LSM14A: variants seen among roughly 807,000 people sequenced by gnomAD.
LSM14A encodes the protein LSM14A mRNA processing body assembly factor, also known as protein LSM14 homolog A.
LSM14A carries 14 observed loss-of-function variants against 52.4 expected under a neutral mutation model. That is an observed-to-expected ratio of 0.27 (90% CI 0.18 to 0.42). The LOEUF (loss-of-function observed/expected upper bound fraction) is 0.42, where lower values mean the gene tolerates loss of function less well. LSM14A is among the 10% of genes least tolerant of loss of function. The pLI is 1.00. For missense variants in LSM14A, 417 were observed against 581.8 expected (o/e 0.72, Z 2.91); for synonymous variants, 185 against 200.3 (o/e 0.92, Z 0.64).
chr19:34,207,170 G>T (rs2071761709), intron 3 of LSM14A, among the ~76,000 whole-genome samples: 1 of 152,156 alleles, frequency 6.6e-6, no homozygotes, highest in African/African-American at 2.4e-5. Flanking sequence ...GTAGAGCGAG[G>T]GGGGTGTGGC....
intron 9 of LSM14A, among the ~76,000 whole-genome samples, chr19:34,223,142 A>G (rs779212990): frequency 2.0e-5 from 3 of 151,934 alleles, no homozygotes; most frequent in Non-Finnish European, 2.9e-5. Context: ...GTGCAATGGC[A>G]TGATCATAAG....
intron 4 of LSM14A, 133 bp from the exon 5 acceptor site, chr19:34,214,991 A>G (rs555399131): frequency 2.6e-5 from 15 of 574,442 alleles, no homozygotes; most frequent in Admixed American, 1.1e-4. Flanking sequence ...ATCTGGTCTG[A>G]TAAGTGGATT....
chr19:34,223,719 A>G (rs1212381466), intron 9 of LSM14A, among the ~76,000 whole-genome samples: 1 of 152,068 alleles, frequency 6.6e-6, no homozygotes, highest in African/African-American at 2.4e-5. Context: ...ACCTGTGACA[A>G]CTCCTTGTTG....
At chr19:34,173,002 G>C (rs1344307344) in intron 1 of LSM14A, among the ~76,000 whole-genome samples, 1 of 152,232 alleles carries the variant, frequency 6.6e-6, no homozygotes, top group African/African-American at 2.4e-5. Flanking sequence ...GACTGAGTGC[G>C]CGGCGGGCGG....
In LSM14A at chr19:34,194,529, G is replaced by A. The variant is rs772728624; in HGVS notation, c.173G>A (p.Arg58Gln). The A allele has an allele frequency of 1.9e-6, 3 of 1,614,096 alleles. No individual in the cohort carries two copies. The highest frequency in any genetic ancestry group is 2.5e-6 in the Non-Finnish European group (3 of 1,179,976). Reference sequence around the variant, plus strand: ...CCGACAGATCGTCCAATACCACCTCGAGATGAAGTCTTTGAATACATTATA... The same window carrying A: ...CCGACAGATCGTCCAATACCACCTCAAGATGAAGTCTTTGAATACATTATA... ...DRPTDRPIPP[R>Q]DEVFEYIIFR... is the part of the protein sequence containing the mutation. Residue 58 changes from arginine to glutamine, a missense_variant, in exon 2 of 10, where the codon CGA becomes CAA. Around this residue, in one of 2 missense-constraint regions of LSM14A, gnomAD observed 60 missense variants for 124.8 expected, o/e 0.48. Coordinates refer to ENST00000544216, the MANE Select transcript of LSM14A (RefSeq NM_015578.4).
At chr19:34,208,720 A>G in intron 3 of LSM14A, 1 of 464,174 alleles carries the variant, frequency 2.2e-6, no homozygotes, top group South Asian at 3.4e-5. Flanking sequence ...AGTGGACAGT[A>G]TATTGGCTCC....
rs370562803 is a variant in LSM14A at position 34,221,638 on chromosome 19, G to T, written c.1268G>T (p.Arg423Leu). 8 of 1,614,138 alleles carry T rather than the reference G, an allele frequency of 5.0e-6. No individual in the cohort carries two copies. The highest frequency in any genetic ancestry group is 4.5e-5 in the East Asian group (2 of 44,882). ...CTTGGTTTCCGTGGTGGCAGAGGGCGTGGTGGTGGCAGAGGTGGTACCTTC... is the reference window on the plus strand; with the variant it reads ...CTTGGTTTCCGTGGTGGCAGAGGGCTTGGTGGTGGCAGAGGTGGTACCTTC... ...GGLGFRGGRG[R>L]GGGRGGTFTA... The change falls in exon 9 of 10, where the codon CGT (arginine) becomes CTT (leucine). Residue 423 changes from arginine (R) to leucine (L), a missense_variant. Physicochemically the swap from Arg to Leu is moderately radical, Grantham distance 102. This residue lies in a region of LSM14A where 357 missense variants were observed against 457.0 expected (regional missense o/e 0.78). Coordinates refer to ENST00000544216, the MANE Select transcript of LSM14A (RefSeq NM_015578.4).
chr19:34,214,333 A>G (rs1355697146), intron 4 of LSM14A, among the ~76,000 whole-genome samples: 1 of 146,900 alleles, frequency 6.8e-6, no homozygotes, highest in Non-Finnish European at 1.5e-5. Context: ...TATTTATGAG[A>G]CAGGGCCTTG....
rs200812154 is a variant in LSM14A at position 34,209,000 on chromosome 19, G to T, written c.487G>T (p.Gly163Cys). The T allele has an allele frequency of 3.9e-5, 63 of 1,611,642 alleles. No individual in the cohort carries two copies. The Admixed American group carries it at 5.5e-4, about 14-fold the overall frequency. ...SGTLPQSSAVGSAFTQDTRSL... is the reference protein window; with the variant it reads ...SGTLPQSSAVCSAFTQDTRSL... ...TACCTTACCCCAAAGTAGTGCGGTT[G>T]GTTCTGCCTTTACACAGGATACAAG... is the stretch of plus-strand genomic sequence containing the variant. The change falls in exon 4 of 10, where the codon GGT (glycine) becomes TGT (cysteine). Residue 163 changes from glycine (G) to cysteine (C), a missense_variant. By Grantham distance (159) the Gly-to-Cys change is radical. This residue lies in a region of LSM14A where 357 missense variants were observed against 457.0 expected (regional missense o/e 0.78). Transcript: ENST00000544216.
rs148141984 is a variant in LSM14A at position 34,186,904 on chromosome 19, A to T, written c.122-7574A>T. On this transcript the variant is annotated intron_variant, in intron 1 of 9. Transcript: ENST00000544216. ...AACAGACTCGTTTCTTTTTCTTTTC[A>T]GTTAACATTAGAGTCTAATTTACAA... Among the ~76,000 whole-genome samples the T allele has an allele frequency of 1.4e-4, 22 of 152,028 alleles. No individual in the cohort carries two copies. In the East Asian group the frequency reaches 4.3e-3, roughly 29 times the overall value.
intron 1 of LSM14A, among the ~76,000 whole-genome samples, chr19:34,180,953 C>A (rs1008785520): frequency 1.6e-4 from 24 of 152,192 alleles, no homozygotes; most frequent in Non-Finnish European, 2.8e-4. Context: ...ACACCTCCCC[C>A]ATATTCACTT....
chr19:34,220,326 A>G (rs2072966470), intron 8 of LSM14A, among the ~76,000 whole-genome samples: 1 of 152,226 alleles, frequency 6.6e-6, no homozygotes, highest in Non-Finnish European at 1.5e-5. Flanking sequence ...TATTCATTCA[A>G]AAGAAGAAAT....
intron 7 of LSM14A, 44 bp downstream of exon 7, chr19:34,219,617 T>C (rs756320607): frequency 6.3e-7 from 1 of 1,579,900 alleles, no homozygotes; most frequent in Admixed American, 1.8e-5. Flanking sequence ...TTATTTGATC[T>C]GTGAATTACA....
At chr19:34,215,568 T>G in intron 5 of LSM14A, 28 bp from the exon 6 acceptor site, 2 of 1,575,094 alleles carry the variant, frequency 1.3e-6, no homozygotes, top group Non-Finnish European at 1.7e-6. Context: ...CTGAGTTGAT[T>G]TGGCACTTTG....
chr19:34,197,613 G>A (rs916515784), intron 3 of LSM14A, among the ~76,000 whole-genome samples: 2 of 150,406 alleles, frequency 1.3e-5, no homozygotes, highest in Non-Finnish European at 3.0e-5. Flanking sequence ...CAATTTTTTT[G>A]TATTTTTAGT....
Position 34,196,622 on chromosome 19 carries a change from A to T in LSM14A, c.286-12A>T. 1 of 1,578,924 alleles carries T rather than the reference A, an allele frequency of 6.3e-7. No individual in the cohort carries two copies. Among genetic ancestry groups the T allele is most frequent in the Non-Finnish European group, 8.6e-7 (1 of 1,168,654 alleles). On this transcript the variant is annotated splice_polypyrimidine_tract_variant and intron_variant, in intron 2 of 9. Transcript: ENST00000544216. Reference sequence around the variant, plus strand: ...TTAGAGCTTGGAAACATAACTCATGATTTTCCTTCAGTCCTCACTAGGCTC... The same window carrying T: ...TTAGAGCTTGGAAACATAACTCATGTTTTTCCTTCAGTCCTCACTAGGCTC...
Position 34,221,549 on chromosome 19 carries a change from T to G in LSM14A, c.1179T>G (p.Ala393=), listed in dbSNP as rs773971232. The part of the protein sequence containing the change: ...PTWAEERRLN[A]ETFGIPLRPN... ...GGGCTGAAGAAAGAAGATTAAATGC[T>G]GAAACATTTGGAATCCCACTTCGTC... The change falls in exon 9 of 10, where the codon GCT becomes GCG. Residue 393 remains alanine (A), a synonymous_variant. Coordinates refer to ENST00000544216, the MANE Select transcript of LSM14A (RefSeq NM_015578.4). The G allele has an allele frequency of 7.9e-5, 128 of 1,614,040 alleles. No individual in the cohort carries two copies. Among genetic ancestry groups the G allele is most frequent in the Non-Finnish European group, 1.0e-4 (122 of 1,180,038 alleles).
chr19:34,210,662 G>T (rs528740023), intron 4 of LSM14A, among the ~76,000 whole-genome samples: 1 of 152,040 alleles, frequency 6.6e-6, no homozygotes, highest in African/African-American at 2.4e-5. Context: ...ATGCAGTGGT[G>T]TGATCATGGC....
chr19:34,209,323 G>A (rs2071958054), intron 4 of LSM14A, among the ~76,000 whole-genome samples: 1 of 152,250 alleles, frequency 6.6e-6, no homozygotes, highest in South Asian at 2.1e-4. Context: ...TAACTTGTAT[G>A]TAACACTTAA....
Sources: gnomAD v4.1 joint callset for allele counts (sites outside exome capture counted in the v4.1 genomes callset) on GRCh38, gnomAD v4.1.1 for gene constraint, gnomAD v4.1.1 regional missense constraint, MANE v1.5 for transcripts, NCBI Gene and HGNC (gene_info 2026-07-23, HGNC 2026-07-21) for gene names.